The following ENPEP variants were observed in gnomAD, a reference collection of about 807,000 sequenced individuals.
ENPEP encodes AP-A.
ENPEP carries 103 observed loss-of-function variants against 114.5 expected under a neutral mutation model. That is an observed-to-expected ratio of 0.90 (90% CI 0.77 to 1.06). ENPEP has a LOEUF of 1.06. Ranked by LOEUF, ENPEP falls within the 50% of genes least tolerant of loss-of-function variation. ENPEP has a pLI of 0.00. For synonymous variants in ENPEP, 420 were observed against 422.0 expected (o/e 1.00, Z 0.06); for missense variants, 1,196 against 1,161.3 (o/e 1.03, Z -0.43).
At chr4:110,492,718 T>C (rs1418370286) in intron 3 of ENPEP, among the ~76,000 whole-genome samples, 2 of 152,158 alleles carry the variant, frequency 1.3e-5, no homozygotes, top group Non-Finnish European at 2.9e-5. Context: ...TAGGAAGTTG[T>C]TTTTTCTAGA....
intron 18 of ENPEP, chr4:110,558,993 G>C (rs1290591991): frequency 6.6e-6 from 1 of 152,172 alleles, no homozygotes; most frequent in Non-Finnish European, 1.5e-5. Flanking sequence ...TAGAGTATTA[G>C]GATAACGATG....
At position 110,515,418 on chromosome 4, in the gene ENPEP, A is replaced by G; in HGVS notation, c.1485A>G (p.Pro495=). 2.5e-6 allele frequency: 4 copies of G among 1,590,918 alleles called. No individual in the cohort carries two copies. The highest frequency in any genetic ancestry group is 3.4e-6 in the Non-Finnish European group (4 of 1,174,446). ...GAATGCTTGAAGACTGGATAAAACC[A>G]GAGAATTTTCAAAAAGGATGTCAGG... ...ILRMLEDWIK[P]ENFQKGCQMY... The change falls in exon 8 of 20, where the codon CCA becomes CCG. Residue 495 remains proline, a synonymous_variant. Transcript: ENST00000265162.
At chr4:110,505,772 A>G (rs1049576856) in intron 3 of ENPEP, among the ~76,000 whole-genome samples, 5 of 152,228 alleles carry the variant, frequency 3.3e-5, no homozygotes, top group Non-Finnish European at 5.9e-5. Flanking sequence ...TTTAGCAGAC[A>G]CTAGTTGTCT....
At chr4:110,554,661 G>C (rs1186603193) in intron 18 of ENPEP, among the ~76,000 whole-genome samples, 1 of 151,968 alleles carries the variant, frequency 6.6e-6, no homozygotes, top group Non-Finnish European at 1.5e-5. Flanking sequence ...TTATCTAGAT[G>C]TAACAGTTTA....
At chr4:110,483,115 A>T (rs1724377008) in intron 1 of ENPEP, among the ~76,000 whole-genome samples, 1 of 152,224 alleles carries the variant, frequency 6.6e-6, no homozygotes, top group African/African-American at 2.4e-5. Flanking sequence ...AAGAAATTTT[A>T]CTTGACCTTG....
intron 17 of ENPEP, 42 bp from the exon 18 acceptor site, chr4:110,553,272 TA>T (rs780266507): frequency 4.0e-6 from 6 of 1,515,634 alleles, no homozygotes; most frequent in Non-Finnish European, 5.4e-6. Context: ...GGGTGAACAT[TA>T]AAAGTTCACT....
At chr4:110,501,239 A>T (rs1725141846) in intron 3 of ENPEP, among the ~76,000 whole-genome samples, 1 of 152,162 alleles carries the variant, frequency 6.6e-6, no homozygotes, top group African/African-American at 2.4e-5. Context: ...ATAGAATAAA[A>T]TCTATGACCT....
intron 17 of ENPEP, 54 bp downstream of exon 17, chr4:110,549,940 C>T (rs1191623695): frequency 3.5e-6 from 5 of 1,448,588 alleles, no homozygotes; most frequent in Non-Finnish European, 4.7e-6. Flanking sequence ...GTTTATGTGT[C>T]ACAGTCTCTT....
intron 1 of ENPEP, among the ~76,000 whole-genome samples, chr4:110,482,620 G>A (rs1724354237): frequency 6.6e-6 from 1 of 152,146 alleles, no homozygotes; most frequent in Non-Finnish European, 1.5e-5. Flanking sequence ...ATGTAGTTTT[G>A]ATCTTGAAAT....
intron 3 of ENPEP, among the ~76,000 whole-genome samples, chr4:110,497,515 TA>T (rs33962982): frequency 0.042 from 6,447 of 152,166 alleles, 412 homozygotes; most frequent in African/African-American, 0.14. Context: ...TTTAATTTCT[TA>T]AAAATTATAC....
At chr4:110,490,734 C>G (rs1262695276) in intron 2 of ENPEP, among the ~76,000 whole-genome samples, 1 of 152,172 alleles carries the variant, frequency 6.6e-6, no homozygotes, top group Non-Finnish European at 1.5e-5. Context: ...ATATTATGGT[C>G]AGCATGATGT....
chr4:110,561,448 GA>G lies in ENPEP; in HGVS notation c.2769del (p.Lys923AsnfsTer10). 6.2e-7 allele frequency: 1 copy of G among 1,613,902 alleles called. No homozygotes were observed. Among genetic ancestry groups the G allele is most frequent in the Non-Finnish European group, 8.5e-7 (1 of 1,179,902 alleles). ...FAKYPQAGAG[E>X]KPREQVLETV... is the part of the protein sequence containing the mutation. ...AAAATATCCACAAGCTGGAGCAGGA[GA>G]AAAACCTAGGGAACAAGTGCTGGAA... On this transcript the variant is annotated frameshift_variant, in exon 20 of 20. Transcript: ENST00000265162. LOFTEE classifies it low-confidence loss of function (END_TRUNC).
intron 6 of ENPEP, among the ~76,000 whole-genome samples, chr4:110,510,944 T>G (rs1474429104): frequency 6.6e-6 from 1 of 152,188 alleles, no homozygotes; most frequent in African/African-American, 2.4e-5. Context: ...CAAATGTGCA[T>G]GTAATGACTA....
intron 3 of ENPEP, among the ~76,000 whole-genome samples, chr4:110,502,647 T>C (rs954436825): frequency 1.3e-5 from 2 of 152,204 alleles, no homozygotes; most frequent in African/African-American, 4.8e-5. Context: ...TATTTTTGTC[T>C]TAGTACCATG....
At chr4:110,522,609 C>T (rs72894203) in intron 10 of ENPEP, among the ~76,000 whole-genome samples, 2,935 of 152,218 alleles carry the variant, frequency 0.019, 117 homozygotes, top group African/African-American at 0.067. Flanking sequence ...AAAACCAAAA[C>T]CCCAAAACAT....
At chr4:110,561,307 T>G in intron 19 of ENPEP, 99 bp from the exon 20 acceptor site, 1 of 1,283,696 alleles carries the variant, frequency 7.8e-7, no homozygotes, top group Admixed American at 2.0e-5. Context: ...GATACTGAAT[T>G]TCTAGGTAAG....
intron 1 of ENPEP, among the ~76,000 whole-genome samples, chr4:110,484,302 G>T (rs1724420456): frequency 6.6e-6 from 1 of 152,282 alleles, no homozygotes; most frequent in Non-Finnish European, 1.5e-5. Context: ...GACACTAAAA[G>T]TCTGGGGTTT....
chr4:110,490,845 A>T (rs1163566367), intron 2 of ENPEP, among the ~76,000 whole-genome samples, 188 bp from the exon 3 acceptor site: 1 of 152,196 alleles, frequency 6.6e-6, no homozygotes, highest in Non-Finnish European at 1.5e-5. Flanking sequence ...GTCAGTCTTT[A>T]ACAGTTCTAA....
Position 110,519,650 on chromosome 4 carries a change from A to G in ENPEP, c.1510-358A>G, listed in dbSNP as rs569686887. ...CACCACCACCACCACCATCATCATC[A>G]TTATTATTCAAAAGGTTGTATATTT... On this transcript the variant is annotated intron_variant, in intron 8 of 19. Transcript: ENST00000265162. 2.6e-5 allele frequency: 5 copies of G among 194,822 alleles called. No individual in the cohort carries two copies. The South Asian group carries it at 5.3e-4, about 21-fold the overall frequency. 12.1% of individuals were successfully genotyped at this position (194,822 alleles called of 1,614,324 possible).
Sources: gnomAD v4.1 joint callset for allele counts (sites outside exome capture counted in the v4.1 genomes callset) on GRCh38, gnomAD v4.1.1 for gene constraint, MANE v1.5 for transcripts, NCBI Gene and HGNC (gene_info 2026-07-23, HGNC 2026-07-21) for gene names.